TMEM63C: variants seen among roughly 807,000 people sequenced by gnomAD.
TMEM63C encodes the protein transmembrane protein 63C, also known as osmosensitive cation channel TMEM63C.
TMEM63C carries 32 observed loss-of-function variants against 99.2 expected under a neutral mutation model. The ratio of observed to expected loss-of-function variants is 0.32; its 90% CI spans 0.24 to 0.43. The LOEUF is 0.43. TMEM63C is among the 20% of genes least tolerant of loss of function. The pLI is 1.00. For missense variants in TMEM63C, 826 were observed against 1,053.0 expected (o/e 0.78, Z 2.98); for synonymous variants, 376 against 397.9 (o/e 0.94, Z 0.66).
At chr14:77,243,389 G>A (rs994738448) in intron 15 of TMEM63C, among the ~76,000 whole-genome samples, 2 of 152,166 alleles carry the variant, frequency 1.3e-5, no homozygotes, top group South Asian at 4.1e-4. Context: ...GGCCAGCTTG[G>A]GGTCCAGAGG....
intron 20 of TMEM63C, 120 bp from the exon 21 acceptor site, chr14:77,249,171 C>G: frequency 1.8e-6 from 2 of 1,097,510 alleles, no homozygotes; most frequent in Non-Finnish European, 2.7e-6. Flanking sequence ...CCCAACCCAT[C>G]CTTGGTTGTT....
chr14:77,182,645 C>G (rs986141914), intron 1 of TMEM63C, among the ~76,000 whole-genome samples: 7 of 152,166 alleles, frequency 4.6e-5, no homozygotes, highest in Admixed American at 1.3e-4. Flanking sequence ...GACCTCCCCC[C>G]ACCCCAGCAC....
intron 16 of TMEM63C, among the ~76,000 whole-genome samples, chr14:77,245,168 A>C (rs886229500): frequency 6.6e-6 from 1 of 152,238 alleles, no homozygotes; most frequent in Non-Finnish European, 1.5e-5. Context: ...TGATGACTGA[A>C]ACTGCAGGGA....
intron 16 of TMEM63C, among the ~76,000 whole-genome samples, chr14:77,245,443 C>T (rs954631434): frequency 1.3e-5 from 2 of 152,194 alleles, no homozygotes; most frequent in African/African-American, 2.4e-5. Context: ...AAGACATACC[C>T]GAGACTGGAC....
At chr14:77,200,340 G>A (rs986000925) in intron 1 of TMEM63C, among the ~76,000 whole-genome samples, 6 of 152,192 alleles carry the variant, frequency 3.9e-5, no homozygotes, top group Non-Finnish European at 8.8e-5. Context: ...TGGAGGTTGT[G>A]CCAGCCACCA....
chr14:77,250,195 A>G (rs1474426129), intron 21 of TMEM63C, among the ~76,000 whole-genome samples: 3 of 152,174 alleles, frequency 2.0e-5, no homozygotes, highest in Non-Finnish European at 4.4e-5. Context: ...AGCCTGCAGT[A>G]GGGGCCAGCT....
chr14:77,225,538 A>C (rs534314859), intron 6 of TMEM63C, 77 bp downstream of exon 6: 6 of 1,504,976 alleles, frequency 4.0e-6, no homozygotes, highest in Admixed American at 1.8e-5. Flanking sequence ...AAAAGTTAGC[A>C]GCCCCCAGCC....
At chr14:77,211,979 G>T (rs1022927509) in intron 1 of TMEM63C, among the ~76,000 whole-genome samples, 1 of 152,190 alleles carries the variant, frequency 6.6e-6, no homozygotes, top group Non-Finnish European at 1.5e-5. Context: ...CCTACCAGCT[G>T]CAGTCTGTGG....
At chr14:77,190,650 A>G (rs2140089800) in intron 1 of TMEM63C, among the ~76,000 whole-genome samples, 1 of 152,376 alleles carries the variant, frequency 6.6e-6, no homozygotes, top group Non-Finnish European at 1.5e-5. Flanking sequence ...CTAATAGCTC[A>G]AAAGAAATAA....
intron 9 of TMEM63C, among the ~76,000 whole-genome samples, 181 bp downstream of exon 9, chr14:77,236,913 C>T (rs541453812): frequency 4.0e-5 from 6 of 151,764 alleles, no homozygotes; most frequent in Admixed American, 6.6e-5. Context: ...TAACAATCAC[C>T]TGGCCCCCAC....
chr14:77,233,173 C>T (rs921320628), intron 7 of TMEM63C, among the ~76,000 whole-genome samples: 3 of 152,192 alleles, frequency 2.0e-5, no homozygotes, highest in Admixed American at 2.0e-4. Flanking sequence ...CTCCAACAAG[C>T]ATTCACTGGG....
chr14:77,214,033 C>A (rs1427957709), intron 2 of TMEM63C, among the ~76,000 whole-genome samples: 1 of 152,126 alleles, frequency 6.6e-6, no homozygotes, highest in East Asian at 1.9e-4. Context: ...GACTCCCAGG[C>A]CACCTCCTGT....
intron 9 of TMEM63C, among the ~76,000 whole-genome samples, chr14:77,237,974 C>A (rs1889090302): frequency 6.6e-6 from 1 of 152,320 alleles, no homozygotes; most frequent in African/African-American, 2.4e-5. Context: ...AAAAGTGAAC[C>A]CAAATGCTTC....
chr14:77,248,873 G>A lies in TMEM63C; in HGVS notation c.1870+1G>A. On this transcript the variant is annotated splice_donor_variant, in intron 20 of 23. Coordinates refer to ENST00000298351, the MANE Select transcript of TMEM63C (RefSeq NM_020431.4). LOFTEE classifies it high-confidence loss of function. ...ACTTGCCCCATCATTGTGCCTTTTG[G>A]TGAGTCATCTCCAAGGCATGCCCAA... 2 of 1,613,342 alleles carry A rather than the reference G, an allele frequency of 1.2e-6. No homozygotes were observed. Among genetic ancestry groups the A allele is most frequent in the Non-Finnish European group, 1.7e-6 (2 of 1,179,294 alleles).
chr14:77,185,282 A>C (rs1438601618), intron 1 of TMEM63C, among the ~76,000 whole-genome samples: 5 of 152,186 alleles, frequency 3.3e-5, no homozygotes, highest in African/African-American at 1.2e-4. Flanking sequence ...GTAGACCTTC[A>C]TTCCTGCCAA....
intron 20 of TMEM63C, 141 bp downstream of exon 20, chr14:77,249,013 G>T (rs1344414385): frequency 1.2e-6 from 1 of 847,212 alleles, no homozygotes; most frequent in African/African-American, 1.6e-5. Flanking sequence ...CAAGCTGGGG[G>T]TACAGGGCAG....
chr14:77,186,112 A>G (rs1471430691), intron 1 of TMEM63C, among the ~76,000 whole-genome samples: 1 of 151,968 alleles, frequency 6.6e-6, no homozygotes, highest in East Asian at 1.9e-4. Context: ...CCCAGGTTCA[A>G]GCGATTCTCC....
intron 1 of TMEM63C, among the ~76,000 whole-genome samples, chr14:77,209,252 T>C (rs1888455781): frequency 6.6e-6 from 1 of 152,006 alleles, no homozygotes; most frequent in Non-Finnish European, 1.5e-5. Context: ...TCACACCCAG[T>C]CTCCTTACCT....
intron 1 of TMEM63C, among the ~76,000 whole-genome samples, chr14:77,206,560 T>C (rs1272110403): frequency 6.6e-6 from 1 of 152,166 alleles, no homozygotes; most frequent in East Asian, 1.9e-4. Flanking sequence ...GATTCAGGCT[T>C]TGATTCTTCT....
Sources: gnomAD v4.1 joint callset for allele counts (sites outside exome capture counted in the v4.1 genomes callset) on GRCh38, gnomAD v4.1.1 for gene constraint, MANE v1.5 for transcripts, NCBI Gene and HGNC (gene_info 2026-07-23, HGNC 2026-07-21) for gene names.